The following SYK variants were observed in gnomAD, a reference collection of about 807,000 sequenced individuals.
The protein encoded by SYK is spleen associated tyrosine kinase.
A neutral mutation model predicts 77.8 loss-of-function variants in SYK; 16 were observed. That is an observed-to-expected ratio of 0.21 (90% confidence interval 0.14 to 0.31). The LOEUF is 0.31. Ranked by LOEUF, SYK falls within the 10% of genes least tolerant of loss-of-function variation. The pLI, the probability that SYK is intolerant of heterozygous loss-of-function variation, is 1.00. For synonymous variants in SYK, 312 were observed against 308.7 expected (o/e 1.01, Z -0.11); for missense variants, 529 against 814.4 (o/e 0.65, Z 4.26).
chr9:90,837,662 G>A (rs138309337), intron 1 of SYK, among the ~76,000 whole-genome samples: 275 of 152,272 alleles, frequency 1.8e-3, no homozygotes, highest in Middle Eastern at 3.4e-3. Context: ...CCACCTTCAG[G>A]GTAGGGAATT....
chr9:90,851,090 C>G (rs73506009), intron 3 of SYK, among the ~76,000 whole-genome samples: 2,267 of 152,222 alleles, frequency 0.015, 60 homozygotes, highest in African/African-American at 0.052. Context: ...AACAAGAACT[C>G]GGGTGTGGAG....
intron 7 of SYK, among the ~76,000 whole-genome samples, chr9:90,868,502 A>G (rs977459176): frequency 6.6e-6 from 1 of 152,236 alleles, no homozygotes; most frequent in Non-Finnish European, 1.5e-5. Context: ...ATACAAAGAG[A>G]TTCTAAAAAT....
At chr9:90,807,147 C>G (rs1587797904) in intron 1 of SYK, among the ~76,000 whole-genome samples, 2 of 152,190 alleles carry the variant, frequency 1.3e-5, no homozygotes, top group Admixed American at 6.5e-5. Context: ...TCAGTCTCAG[C>G]CAGTGGTCCT....
At chr9:90,875,542 A>G (rs1188624720) in intron 9 of SYK, among the ~76,000 whole-genome samples, 2 of 152,196 alleles carry the variant, frequency 1.3e-5, no homozygotes, top group Non-Finnish European at 2.9e-5. Flanking sequence ...GTACACACAG[A>G]TATTATTTAA....
At position 90,886,298 on chromosome 9, in the gene SYK, G is replaced by T. The variant is rs556563646; in HGVS notation, c.1582-1451G>T. ...CGGCTAGAATGGCTGTTATTAAAAA[G>T]ACTTTTTTTAAAAAAATGCTTTGCA... On this transcript the variant is annotated intron_variant, in intron 11 of 13. Transcript: ENST00000375754. 2.4e-3 allele frequency among the ~76,000 whole-genome samples: 373 copies of T among 152,266 alleles called. 1 individual carries two copies. Among genetic ancestry groups the T allele is most frequent in the African/African-American group, 8.8e-3 (364 of 41,554 alleles).
chr9:90,858,178 G>T (rs1827116493), intron 3 of SYK, among the ~76,000 whole-genome samples: 1 of 152,194 alleles, frequency 6.6e-6, no homozygotes, highest in Non-Finnish European at 1.5e-5. Context: ...TCCAGGCCAT[G>T]CCCCAGCAGA....
intron 8 of SYK, 48 bp downstream of exon 8, chr9:90,874,339 G>T (rs199916222): frequency 1.3e-6 from 2 of 1,581,754 alleles, no homozygotes; most frequent in Admixed American, 1.7e-5. Context: ...AAAGTGCGTG[G>T]TCACTTGTAA....
At chr9:90,862,158 T>C in intron 3 of SYK, 48 bp from the exon 4 acceptor site, 1 of 1,563,136 alleles carries the variant, frequency 6.4e-7, no homozygotes, top group Non-Finnish European at 8.7e-7. Context: ...GGGTCCCACC[T>C]GGAGACTGGC....
intron 7 of SYK, among the ~76,000 whole-genome samples, chr9:90,873,252 C>T (rs747400651): frequency 2.2e-4 from 34 of 151,930 alleles, no homozygotes; most frequent in Admixed American, 2.0e-4. Context: ...GTAACTTTCT[C>T]CATAATCTGG....
At chr9:90,877,374 C>T (rs1827978021) in intron 9 of SYK, among the ~76,000 whole-genome samples, 197 bp from the exon 10 acceptor site, 2 of 152,198 alleles carry the variant, frequency 1.3e-5, no homozygotes, top group African/African-American at 4.8e-5. Flanking sequence ...TGGAGTATTA[C>T]TCTCATTGTC....
chr9:90,840,779 C>T (rs574644746), intron 1 of SYK, among the ~76,000 whole-genome samples: 25 of 152,306 alleles, frequency 1.6e-4, no homozygotes, highest in Non-Finnish European at 3.2e-4. Context: ...TGATAGTCAA[C>T]TGCTGTGAGA....
rs757170987 is a variant in SYK, at chr9:90,862,281, C to T, written c.654C>T (p.Ile218=). 1.2e-5 allele frequency: 19 copies of T among 1,613,996 alleles called. No individual in the cohort carries two copies. The highest frequency in any genetic ancestry group is 1.4e-5 in the Non-Finnish European group (17 of 1,179,996). The stretch of plus-strand genomic sequence containing the variant: ...AAGGGAAGGTGCTGCACTATCGCAT[C>T]GACAAAGACAAGACAGGGAAGCTCT... The part of the protein sequence containing the change: ...LHEGKVLHYR[I]DKDKTGKLSI... Residue 218 remains isoleucine (I), a synonymous_variant, in exon 4 of 14, where the codon ATC becomes ATT. Coordinates refer to ENST00000375754, the MANE Select transcript of SYK (RefSeq NM_003177.7).
chr9:90,851,438 G>C (rs1826816636), intron 3 of SYK, among the ~76,000 whole-genome samples: 1 of 152,222 alleles, frequency 6.6e-6, no homozygotes, highest in South Asian at 2.1e-4. Flanking sequence ...GGGCTGGGCA[G>C]TGTGGGTCAG....
chr9:90,865,112 G>T lies in SYK; in HGVS notation c.846+15G>T, dbSNP rs1167069417. The T allele has an allele frequency of 6.2e-7, 1 of 1,611,532 alleles. No individual in the cohort carries two copies. The highest frequency in any genetic ancestry group is 8.5e-7 in the Non-Finnish European group (1 of 1,177,840). ...CCCATCCTGCGGTAAGTGTCACTAG[G>T]AATACCACTGAATGAGAAGCTGTTG... On this transcript the variant is annotated intron_variant, in intron 6 of 13. Coordinates refer to ENST00000375754, the MANE Select transcript of SYK (RefSeq NM_003177.7).
At chr9:90,852,347 A>T (rs1418455828) in intron 3 of SYK, among the ~76,000 whole-genome samples, 1 of 152,060 alleles carries the variant, frequency 6.6e-6, no homozygotes, top group Non-Finnish European at 1.5e-5. Flanking sequence ...CTCCTCTCTG[A>T]CCCTCATCCA....
At chr9:90,805,940 CTT>C (rs1411090628) in intron 1 of SYK, among the ~76,000 whole-genome samples, 1 of 152,186 alleles carries the variant, frequency 6.6e-6, no homozygotes, top group Non-Finnish European at 1.5e-5. Context: ...GAATTCAGGA[CTT>C]TGGAGTTTTA....
chr9:90,845,346 C>G (rs1368807386), intron 2 of SYK, 88 bp from the exon 3 acceptor site: 5 of 1,418,998 alleles, frequency 3.5e-6, no homozygotes, highest in Non-Finnish European at 4.8e-6. Flanking sequence ...TTTACCATGC[C>G]AGGACTCGAG....
At chr9:90,812,484 G>A (rs186669192) in intron 1 of SYK, among the ~76,000 whole-genome samples, 143 of 152,242 alleles carry the variant, frequency 9.4e-4, no homozygotes, top group African/African-American at 2.9e-3. Context: ...GGACACTGGG[G>A]TGCTCTGGGG....
chr9:90,863,228 T>G (rs1159507807), intron 4 of SYK, among the ~76,000 whole-genome samples: 1 of 152,190 alleles, frequency 6.6e-6, no homozygotes, highest in Non-Finnish European at 1.5e-5. Context: ...TAAACTGTAG[T>G]AGGTTCAGAA....
Sources: allele counts gnomAD v4.1 joint callset (sites outside exome capture counted in the v4.1 genomes callset), GRCh38; gene constraint gnomAD v4.1.1; transcripts MANE v1.5; gene names NCBI Gene and HGNC (gene_info 2026-07-23, HGNC 2026-07-21).